The following HS6ST3 variants were observed in gnomAD, a reference collection of about 807,000 sequenced individuals.
HS6ST3 encodes heparan sulfate 6-O-sulfotransferase 3, also known as heparan-sulfate 6-O-sulfotransferase 3.
HS6ST3 carries 12 observed loss-of-function variants against 36.7 expected under a neutral mutation model. The ratio of observed to expected loss-of-function variants is 0.33; its 90% CI spans 0.21 to 0.53. The LOEUF (loss-of-function observed/expected upper bound fraction) is 0.53, where lower values mean the gene tolerates loss of function less well. Ranked by LOEUF, HS6ST3 falls within the 20% of genes least tolerant of loss-of-function variation. The probability of loss-of-function intolerance (pLI) is 0.95; values close to 1 mark genes in which losing one functional copy is unlikely to be tolerated. For missense variants in HS6ST3, 584 were observed against 640.9 expected, an observed-to-expected ratio of 0.91 and a Z score of 0.96; for synonymous variants, 240 against 257.5, an observed-to-expected ratio of 0.93 and a Z score of 0.65.
In HS6ST3 at chr13:96,832,657, G is replaced by T; in HGVS notation, c.875G>T (p.Gly292Val). Residue 292 changes from glycine (G) to valine (V), a missense_variant, in exon 2 of 2, where the codon GGG (glycine) becomes GTG (valine). Gly to Val is a moderately radical substitution (Grantham distance 109). This residue lies in a region of HS6ST3 where 360 missense variants were observed against 411.3 expected (regional missense o/e 0.88). Coordinates refer to ENST00000376705, the MANE Select transcript of HS6ST3 (RefSeq NM_153456.4). The stretch of plus-strand genomic sequence containing the variant: ...TGCTACCCTGGGGATGACTGGTCTG[G>T]GGTCAGCTTGCGGGAGTTTATGGAT... ...PTCYPGDDWS[G>V]VSLREFMDCT... 2 of 1,614,114 alleles carry T rather than the reference G, an allele frequency of 1.2e-6. No individual in the cohort carries two copies. Among genetic ancestry groups the T allele is most frequent in the Non-Finnish European group, 1.7e-6 (2 of 1,179,986 alleles).
At chr13:96,538,864 T>C (rs2056166528) in intron 1 of HS6ST3, among the ~76,000 whole-genome samples, 2 of 152,224 alleles carry the variant, frequency 1.3e-5, no homozygotes. Context: ...TTATACCATT[T>C]CCACTCTTTC....
intron 1 of HS6ST3, among the ~76,000 whole-genome samples, chr13:96,544,969 T>C (rs1365199227): frequency 3.3e-5 from 5 of 152,174 alleles, no homozygotes; most frequent in African/African-American, 1.2e-4. Flanking sequence ...ATAAAGAAGC[T>C]CCTTTCAAAA....
At chr13:96,772,400 A>T (rs1393545049) in intron 1 of HS6ST3, among the ~76,000 whole-genome samples, 4 of 152,220 alleles carry the variant, frequency 2.6e-5, no homozygotes, top group South Asian at 2.1e-4. Flanking sequence ...GAGCAAGGTT[A>T]TATTGAGCAA....
intron 1 of HS6ST3, among the ~76,000 whole-genome samples, chr13:96,343,648 A>G (rs2055140489): frequency 6.6e-6 from 1 of 152,062 alleles, no homozygotes; most frequent in South Asian, 2.1e-4. Flanking sequence ...TACACTTCCC[A>G]TTGTGTTTTT....
At chr13:96,583,663 T>C (rs950553587) in intron 1 of HS6ST3, among the ~76,000 whole-genome samples, 1 of 152,126 alleles carries the variant, frequency 6.6e-6, no homozygotes, top group African/African-American at 2.4e-5. Context: ...TTTCAAACCA[T>C]TCTAACTGGT....
At chr13:96,570,077 T>C (rs918682026) in intron 1 of HS6ST3, among the ~76,000 whole-genome samples, 2 of 152,216 alleles carry the variant, frequency 1.3e-5, no homozygotes, top group East Asian at 1.9e-4. Context: ...GAATATGCAA[T>C]GTCAACACTT....
chr13:96,483,169 G>T (rs1438873539), intron 1 of HS6ST3, among the ~76,000 whole-genome samples: 1 of 152,162 alleles, frequency 6.6e-6, no homozygotes, highest in Non-Finnish European at 1.5e-5. Context: ...ATGGTTTGAT[G>T]AATGCATTTA....
At chr13:96,358,733 A>G (rs896648199) in intron 1 of HS6ST3, among the ~76,000 whole-genome samples, 10 of 152,070 alleles carry the variant, frequency 6.6e-5, no homozygotes, top group Admixed American at 1.3e-4. Flanking sequence ...TATATATTGA[A>G]TTTCTTAGTT....
At chr13:96,525,562 G>A (rs544976859) in intron 1 of HS6ST3, among the ~76,000 whole-genome samples, 8 of 151,902 alleles carry the variant, frequency 5.3e-5, no homozygotes, top group East Asian at 3.9e-4. Flanking sequence ...ACACACACAC[G>A]CAAACACACA....
chr13:96,637,911 C>G (rs1370197280), intron 1 of HS6ST3, among the ~76,000 whole-genome samples: 21 of 152,060 alleles, frequency 1.4e-4, no homozygotes. Flanking sequence ...AGAGACACTC[C>G]TCTGGTTTAG....
chr13:96,747,508 A>G (rs937314517), intron 1 of HS6ST3, among the ~76,000 whole-genome samples: 1 of 152,116 alleles, frequency 6.6e-6, no homozygotes, highest in African/African-American at 2.4e-5. Flanking sequence ...TAAAAGTATT[A>G]CTATCCCAAA....
chr13:96,091,458 G>T lies in HS6ST3; in HGVS notation c.596G>T (p.Arg199Leu). ...AAGAAGGAGACGTGGCTCTTCTCCC[G>T]CTTCTCCACCGGCTGGAGCTGCGGG... ...PGKKETWLFS[R>L]FSTGWSCGLH... The change falls in exon 1 of 2, where the codon CGC becomes CTC. Residue 199 changes from arginine to leucine, a missense_variant. Around this residue, in one of 3 missense-constraint regions of HS6ST3, gnomAD observed 360 missense variants for 411.3 expected, o/e 0.88. Coordinates refer to ENST00000376705, the MANE Select transcript of HS6ST3 (RefSeq NM_153456.4). The T allele has an allele frequency of 6.2e-7, 1 of 1,609,632 alleles. No individual in the cohort carries two copies. The highest frequency in any genetic ancestry group is 8.5e-7 in the Non-Finnish European group (1 of 1,178,798).
intron 1 of HS6ST3, among the ~76,000 whole-genome samples, chr13:96,690,555 A>G (rs1323531401): frequency 6.6e-6 from 1 of 152,116 alleles, no homozygotes; most frequent in Admixed American, 6.6e-5. Flanking sequence ...CATGGAAGGA[A>G]TAAATGCTGA....
chr13:96,570,049 TTA>T (rs2056295474), intron 1 of HS6ST3, among the ~76,000 whole-genome samples: 1 of 152,228 alleles, frequency 6.6e-6, no homozygotes, highest in African/African-American at 2.4e-5. Context: ...CATTATTATT[TTA>T]TGTTTCATTT....
At chr13:96,586,451 G>A (rs564034730) in intron 1 of HS6ST3, among the ~76,000 whole-genome samples, 1 of 151,658 alleles carries the variant, frequency 6.6e-6, no homozygotes, top group Non-Finnish European at 1.5e-5. Flanking sequence ...ATGCACCACC[G>A]TGCCTGGCTA....
chr13:96,679,776 G>T, intron 1 of HS6ST3, among the ~76,000 whole-genome samples: 1 of 152,110 alleles, frequency 6.6e-6, no homozygotes, highest in East Asian at 1.9e-4. Flanking sequence ...ACAGCAGATT[G>T]TTCTTTGAGG....
chr13:96,380,158 G>C (rs944598554), intron 1 of HS6ST3, among the ~76,000 whole-genome samples: 2 of 152,104 alleles, frequency 1.3e-5, no homozygotes, highest in African/African-American at 4.8e-5. Context: ...TTCAGTGTTG[G>C]TGGTGAACAG....
intron 1 of HS6ST3, among the ~76,000 whole-genome samples, chr13:96,469,151 T>C (rs533272553): frequency 6.6e-6 from 1 of 152,320 alleles, no homozygotes; most frequent in Admixed American, 6.5e-5. Context: ...AGCTGGAGGT[T>C]GTCTGAATGG....
intron 1 of HS6ST3, among the ~76,000 whole-genome samples, chr13:96,483,729 GT>G: frequency 6.6e-6 from 1 of 152,154 alleles, no homozygotes; most frequent in Middle Eastern, 3.4e-3. Context: ...TTTCCTTTTG[GT>G]TATGAATTAT....
Sources: allele counts gnomAD v4.1 joint callset (sites outside exome capture counted in the v4.1 genomes callset), GRCh38; gene constraint gnomAD v4.1.1; regional missense constraint gnomAD v4.1.1; transcripts MANE v1.5; gene names NCBI Gene and HGNC (gene_info 2026-07-23, HGNC 2026-07-21).